LUZP2: variants seen among roughly 807,000 people sequenced by gnomAD.
The protein encoded by LUZP2 is leucine zipper protein 2.
In LUZP2, 52 loss-of-function variants were observed where a neutral mutation model predicts 51.6. That is an observed-to-expected ratio of 1.01 (90% CI 0.81 to 1.27). LUZP2 has a LOEUF of 1.27. Ranked by LOEUF, LUZP2 falls within the 50% of genes most tolerant of loss-of-function variation. The pLI, the probability that LUZP2 is intolerant of heterozygous loss-of-function variation, is 0.00. For missense variants in LUZP2, 436 were observed against 395.4 expected, an observed-to-expected ratio of 1.10 and a Z score of -0.87; for synonymous variants, 154 against 137.3, an observed-to-expected ratio of 1.12 and a Z score of -0.85.
chr11:24,798,393 C>A (rs1319778315), intron 5 of LUZP2, among the ~76,000 whole-genome samples: 2 of 152,104 alleles, frequency 1.3e-5, no homozygotes, highest in Non-Finnish European at 2.9e-5. Context: ...GATAGAGGCA[C>A]ACTATGTTGC....
chr11:24,916,227 G>T (rs1204280092), intron 7 of LUZP2, among the ~76,000 whole-genome samples: 1 of 151,970 alleles, frequency 6.6e-6, no homozygotes, highest in Non-Finnish European at 1.5e-5. Context: ...ACTGTTAGTT[G>T]CCCAGAGACT....
intron 1 of LUZP2, among the ~76,000 whole-genome samples, chr11:24,535,659 C>T (rs956161867): frequency 2.0e-5 from 3 of 151,482 alleles, no homozygotes; most frequent in African/African-American, 7.3e-5. Context: ...TCTCCACCAC[C>T]TCAGACACAC....
At chr11:24,744,078 G>A (rs2133995131) in intron 4 of LUZP2, among the ~76,000 whole-genome samples, 1 of 152,158 alleles carries the variant, frequency 6.6e-6, no homozygotes, top group East Asian at 1.9e-4. Context: ...CTTGATCATG[G>A]TAGATTATCT....
At chr11:25,076,514 A>G (rs955770610) in intron 10 of LUZP2, among the ~76,000 whole-genome samples, 2 of 151,866 alleles carry the variant, frequency 1.3e-5, no homozygotes, top group Non-Finnish European at 2.9e-5. Flanking sequence ...GAGGAAAAGT[A>G]TCAGTAAGTA....
At chr11:24,601,970 G>GTA (rs1853671833) in intron 1 of LUZP2, among the ~76,000 whole-genome samples, 2 of 119,790 alleles carry the variant, frequency 1.7e-5, no homozygotes, top group African/African-American at 7.5e-5. Context: ...ATGTATATAT[G>GTA]TGTATATGTA....
rs541144430 is a variant in LUZP2, at chr11:24,555,294, G to A, written c.62+57989G>A. On this transcript the variant is annotated intron_variant, in intron 1 of 11. Transcript: ENST00000336930. Reference sequence around the variant, plus strand: ...GAATAGTAAAGATACATAACTCAGAGCTTTTGTATGAAAAAATGATGACAT... The same window carrying A: ...GAATAGTAAAGATACATAACTCAGAACTTTTGTATGAAAAAATGATGACAT... Among the ~76,000 whole-genome samples the A allele has an allele frequency of 3.9e-5, 6 of 152,194 alleles. 1 individual carries two copies. The South Asian group carries it at 1.2e-3, about 32-fold the overall frequency.
chr11:25,026,681 T>G (rs1476037893), intron 9 of LUZP2, among the ~76,000 whole-genome samples: 1 of 152,072 alleles, frequency 6.6e-6, no homozygotes, highest in Non-Finnish European at 1.5e-5. Context: ...CCCTCATTTT[T>G]AAAAGGTAGC....
intron 10 of LUZP2, among the ~76,000 whole-genome samples, chr11:25,052,639 G>A (rs543818528): frequency 5.3e-5 from 8 of 152,306 alleles, no homozygotes; most frequent in African/African-American, 1.7e-4. Context: ...ATTGTGAAAT[G>A]TATTGCTTCC....
intron 9 of LUZP2, among the ~76,000 whole-genome samples, chr11:24,983,821 T>TTA (rs1856112907): frequency 6.6e-6 from 1 of 150,898 alleles, no homozygotes; most frequent in African/African-American, 2.4e-5. Flanking sequence ...ATTAGATTTT[T>TTA]TTTTTTTGAG....
At chr11:24,878,948 C>A (rs889007676) in intron 5 of LUZP2, among the ~76,000 whole-genome samples, 1 of 146,526 alleles carries the variant, frequency 6.8e-6, no homozygotes, top group Non-Finnish European at 1.5e-5. Context: ...AAGACATGAT[C>A]TAATTTATTT....
At chr11:24,931,228 AT>A (rs1854440495) in intron 7 of LUZP2, among the ~76,000 whole-genome samples, 1 of 68,338 alleles carries the variant, frequency 1.5e-5, no homozygotes, top group African/African-American at 3.2e-5. Flanking sequence ...ATAAAATAAA[AT>A]AAAATAAAAT....
intron 1 of LUZP2, among the ~76,000 whole-genome samples, chr11:24,589,373 A>G (rs1565010879): frequency 1.3e-5 from 2 of 152,158 alleles, no homozygotes; most frequent in Non-Finnish European, 2.9e-5. Flanking sequence ...TGCTTTAGAA[A>G]TTTAACACCC....
At chr11:24,697,231 T>C (rs978976736) in intron 1 of LUZP2, among the ~76,000 whole-genome samples, 2 of 152,124 alleles carry the variant, frequency 1.3e-5, no homozygotes, top group African/African-American at 4.8e-5. Context: ...GAAGGGAGTG[T>C]CATTATTGTA....
intron 9 of LUZP2, among the ~76,000 whole-genome samples, chr11:25,037,653 G>T (rs1227804585): frequency 6.6e-6 from 1 of 152,010 alleles, no homozygotes; most frequent in Non-Finnish European, 1.5e-5. Context: ...AGGCCAGTCT[G>T]GTTAAAACAT....
At chr11:24,720,830 G>A (rs1858239343) in intron 1 of LUZP2, among the ~76,000 whole-genome samples, 1 of 152,160 alleles carries the variant, frequency 6.6e-6, no homozygotes, top group Admixed American at 6.5e-5. Context: ...TCTCCGAGTA[G>A]CTGGGACTAC....
chr11:24,795,577 T>C (rs1407868147), intron 5 of LUZP2, among the ~76,000 whole-genome samples: 1 of 152,146 alleles, frequency 6.6e-6, no homozygotes, highest in Non-Finnish European at 1.5e-5. Flanking sequence ...TGAGAATTTA[T>C]GGAAGTTAGT....
intron 5 of LUZP2, among the ~76,000 whole-genome samples, chr11:24,818,243 G>C (rs916619338): frequency 2.0e-5 from 3 of 152,040 alleles, no homozygotes; most frequent in Non-Finnish European, 4.4e-5. Flanking sequence ...CTTCCATCAA[G>C]AAGCAAGACA....
At position 25,025,839 on chromosome 11, in the gene LUZP2, C is replaced by A. The variant is rs1857474368; in HGVS notation, c.766-24199C>A. On this transcript the variant is annotated intron_variant, in intron 9 of 11. Coordinates refer to ENST00000336930, the MANE Select transcript of LUZP2 (RefSeq NM_001009909.4). ...AATCATGCTGCTATAAAGACACATG[C>A]ACACGTATGTTTATTGTGGCACTAT... Among the ~76,000 whole-genome samples the A allele has an allele frequency of 1.3e-5, 2 of 152,162 alleles. 1 individual carries two copies. Among genetic ancestry groups the A allele is most frequent in the Admixed American group, 1.3e-4 (2 of 15,264 alleles).
chr11:24,884,122 T>A (rs993657600), intron 5 of LUZP2, among the ~76,000 whole-genome samples: 1 of 152,136 alleles, frequency 6.6e-6, no homozygotes, highest in Admixed American at 6.5e-5. Context: ...ATAGCAAATT[T>A]ATTCTGCACA....
Sources: allele counts gnomAD v4.1 joint callset (sites outside exome capture counted in the v4.1 genomes callset), GRCh38; gene constraint gnomAD v4.1.1; transcripts MANE v1.5; gene names NCBI Gene and HGNC (gene_info 2026-07-23, HGNC 2026-07-21).